Variants in ABCB4 observed in about 807,000 individuals in gnomAD.
The protein encoded by ABCB4 is phosphatidylcholine translocator ABCB4.
Under a neutral mutation model 145.7 loss-of-function variants are expected in ABCB4, and 76 were observed. That is an observed-to-expected ratio of 0.52 (90% CI 0.43 to 0.63). ABCB4 has a LOEUF of 0.63. Among genes scored for constraint, ABCB4 ranks in the 30% least tolerant of loss-of-function variants. The probability of loss-of-function intolerance (pLI) is 0.00; values close to 1 mark genes in which losing one functional copy is unlikely to be tolerated. For synonymous variants in ABCB4, 517 were observed against 566.8 expected (o/e 0.91, Z 1.25); for missense variants, 1,234 against 1,553.1 (o/e 0.79, Z 3.45).
Position 87,443,524 on chromosome 7 carries a change from GA to G in ABCB4, c.1231-81del, listed in dbSNP as rs3834727. On this transcript the variant is annotated intron_variant, in intron 11 of 27. Coordinates refer to ENST00000649586, the MANE Select transcript of ABCB4 (RefSeq NM_000443.4). ...AATAATTCGATTCAGTTTGAAATTT[GA>G]AAAAAAAGTATCAAATAAGGGAATA... 128,508 of 1,585,292 alleles carry G rather than the reference GA, an allele frequency of 0.081. 6,283 individuals carry two copies. The highest frequency in any genetic ancestry group is 0.21 in the African/African-American group (15,425 of 73,798).
the ABCB4 span, among the ~76,000 whole-genome samples, chr7:87,369,082 G>C: frequency 6.6e-6 from 1 of 152,088 alleles, no homozygotes; most frequent in Non-Finnish European, 1.5e-5. Flanking sequence ...TCCCATTTCT[G>C]TTCCTAAGTA....
chr7:87,376,204 T>C, the ABCB4 span, among the ~76,000 whole-genome samples: 567 of 152,248 alleles, frequency 3.7e-3, 3 homozygotes, highest in African/African-American at 0.013. Flanking sequence ...GCATATCACA[T>C]ATCAGTGTTG....
chr7:87,459,203 A>G (rs2116870147), intron 4 of ABCB4, among the ~76,000 whole-genome samples: 1 of 152,340 alleles, frequency 6.6e-6, no homozygotes, highest in Admixed American at 6.5e-5. Flanking sequence ...TGTACAGTTC[A>G]GTACTGTTAA....
chr7:87,391,767 A>G, the ABCB4 span: 2 of 1,559,120 alleles, frequency 1.3e-6, no homozygotes, highest in East Asian at 2.3e-5. Flanking sequence ...TTCTAAAGGA[A>G]CCGTGGTCTT....
rs2116492294 is a variant in ABCB4 at position 87,420,040 on chromosome 7, G to A, written c.2352C>T (p.Thr784=). 6.2e-7 allele frequency: 1 copy of A among 1,614,108 alleles called. No individual in the cohort carries two copies. Among genetic ancestry groups the A allele is most frequent in the Non-Finnish European group, 8.5e-7 (1 of 1,179,986 alleles). Residue 784 remains threonine (T), a synonymous_variant, in exon 19 of 28, where the codon ACC becomes ACT. Coordinates refer to ENST00000649586, the MANE Select transcript of ABCB4 (RefSeq NM_000443.4). Reference sequence around the variant, plus strand: ...TAAAAGCCATTGACCGCAGTCTTCTGGTGAGGATCTCGCCAGCTTTCCCAA... The same window carrying A: ...TAAAAGCCATTGACCGCAGTCTTCTAGTGAGGATCTCGCCAGCTTTCCCAA... ...FTFGKAGEIL[T]RRLRSMAFKA... is the part of the protein sequence containing the mutation.
chr7:87,410,471 C>T (rs1808540667), intron 23 of ABCB4, among the ~76,000 whole-genome samples: 1 of 152,146 alleles, frequency 6.6e-6, no homozygotes, highest in African/African-American at 2.4e-5. Flanking sequence ...CATAGCTTCC[C>T]TGTACTGCCT....
intron 6 of ABCB4, 80 bp from the exon 7 acceptor site, chr7:87,451,874 G>T: frequency 7.1e-7 from 1 of 1,400,146 alleles, no homozygotes; most frequent in Non-Finnish European, 1.0e-6. Context: ...CAAACACATA[G>T]ACAAGTAAAA....
chr7:87,376,295 TG>T, the ABCB4 span, among the ~76,000 whole-genome samples: 1 of 152,138 alleles, frequency 6.6e-6, no homozygotes, highest in Admixed American at 6.6e-5. Context: ...AAAGGTGAAA[TG>T]ATAACCTAAT....
chr7:87,453,011 T>G lies in ABCB4; in HGVS notation c.469A>C (p.Ile157Leu), dbSNP rs767260080. 1 of 1,614,124 alleles carries G rather than the reference T, an allele frequency of 6.2e-7. No individual in the cohort carries two copies. The highest frequency in any genetic ancestry group is 1.1e-5 in the South Asian group (1 of 91,084). The change falls in exon 6 of 28, where the codon ATT becomes CTT. Residue 157 changes from isoleucine to leucine, a missense_variant. Around this residue, in one of 7 missense-constraint regions of ABCB4, gnomAD observed 467 missense variants for 632.8 expected, o/e 0.74. Transcript: ENST00000649586. ...AACCATCCTATTTCCTGTCGTAGAATAGCATGAAAAAACTTCTGCCTAATT... is the reference window on the plus strand; with the variant it reads ...AACCATCCTATTTCCTGTCGTAGAAGAGCATGAAAAAACTTCTGCCTAATT... ...RKIRQKFFHA[I>L]LRQEIGWFDI...
chr7:87,375,564 C>T, the ABCB4 span: 1 of 1,169,962 alleles, frequency 8.5e-7, no homozygotes, highest in Non-Finnish European at 1.3e-6. Context: ...ATGTTATGAC[C>T]TTTTAAAGGC....
At chr7:87,442,263 T>G (rs1811040833) in intron 12 of ABCB4, among the ~76,000 whole-genome samples, 2 of 152,110 alleles carry the variant, frequency 1.3e-5, no homozygotes, top group African/African-American at 2.4e-5. Flanking sequence ...TATCAGATTT[T>G]TCCAATAATA....
intron 5 of ABCB4, 118 bp downstream of exon 5, chr7:87,454,417 G>C (rs555639137): frequency 2.4e-6 from 2 of 832,696 alleles, no homozygotes; most frequent in South Asian, 1.7e-5. Context: ...GAGCAAAAAT[G>C]ATAATAATAG....
At chr7:87,373,410 T>C in the ABCB4 span, among the ~76,000 whole-genome samples, 8 of 152,120 alleles carry the variant, frequency 5.3e-5, no homozygotes, top group African/African-American at 1.9e-4. Context: ...TGATGCACAA[T>C]ATTTTTCGTT....
At chr7:87,474,053 T>C (rs760331480) in intron 2 of ABCB4, among the ~76,000 whole-genome samples, 14 of 152,378 alleles carry the variant, frequency 9.2e-5, no homozygotes, top group South Asian at 2.1e-4. Flanking sequence ...TCTTAACTTA[T>C]TGTTAACTTT....
At chr7:87,417,598 T>C (rs1436584471) in intron 20 of ABCB4, 83 bp from the exon 21 acceptor site, 1 of 1,134,614 alleles carries the variant, frequency 8.8e-7, no homozygotes, top group African/African-American at 1.5e-5. Context: ...GTCAGAATGA[T>C]GAGTGGGTTC....
intron 10 of ABCB4, 108 bp from the exon 11 acceptor site, chr7:87,443,881 C>G (rs1179887841): frequency 1.3e-6 from 1 of 792,492 alleles, no homozygotes; most frequent in East Asian, 2.6e-5. Context: ...ATGTCACAAT[C>G]CCCTTTACAT....
chr7:87,391,590 C>G, the ABCB4 span: 1 of 1,588,364 alleles, frequency 6.3e-7, no homozygotes, highest in South Asian at 1.2e-5. Flanking sequence ...TTCTTGTAGC[C>G]CTGGTTGTTG....
At chr7:87,455,135 A>AG (rs1294115853) in intron 4 of ABCB4, among the ~76,000 whole-genome samples, 1 of 152,220 alleles carries the variant, frequency 6.6e-6, no homozygotes, top group Non-Finnish European at 1.5e-5. Context: ...AGGAGGAAAA[A>AG]CTAGACAGGG....
chr7:87,468,073 T>C (rs1024109783), intron 3 of ABCB4, among the ~76,000 whole-genome samples: 5 of 151,960 alleles, frequency 3.3e-5, no homozygotes, highest in African/African-American at 9.7e-5. Context: ...GATAGAGACA[T>C]AAAAAACCCT....
Sources: allele counts gnomAD v4.1 joint callset (sites outside exome capture counted in the v4.1 genomes callset), GRCh38; gene constraint gnomAD v4.1.1; regional missense constraint gnomAD v4.1.1; transcripts MANE v1.5; gene names NCBI Gene and HGNC (gene_info 2026-07-23, HGNC 2026-07-21).